MAGI2: variants seen among roughly 807,000 people sequenced by gnomAD.
The protein encoded by MAGI2 is membrane associated guanylate kinase, WW and PDZ domain containing 2, also known as membrane-associated guanylate kinase, WW and PDZ domain-containing protein 2.
A neutral mutation model predicts 133.3 loss-of-function variants in MAGI2; 35 were observed. The ratio of observed to expected loss-of-function variants is 0.26; its 90% confidence interval spans 0.20 to 0.35. The LOEUF is 0.35. MAGI2 is among the 10% of genes least tolerant of loss of function. The probability of loss-of-function intolerance (pLI) is 1.00; values close to 1 mark genes in which losing one functional copy is unlikely to be tolerated. For missense variants in MAGI2, 1,636 were observed against 1,863.4 expected, an observed-to-expected ratio of 0.88 and a Z score of 2.25; for synonymous variants, 729 against 710.6, an observed-to-expected ratio of 1.03 and a Z score of -0.41.
intron 1 of MAGI2, among the ~76,000 whole-genome samples, chr7:79,096,194 T>G (rs1817495855): frequency 2.0e-5 from 3 of 152,102 alleles, no homozygotes; most frequent in Admixed American, 2.0e-4. Flanking sequence ...TAGCTTCAAT[T>G]AAATTAGACC....
At chr7:78,654,352 G>C (rs1323033198) in intron 2 of MAGI2, among the ~76,000 whole-genome samples, 1 of 152,014 alleles carries the variant, frequency 6.6e-6, no homozygotes, top group Non-Finnish European at 1.5e-5. Context: ...GGCACACAGT[G>C]AATATTATTT....
At chr7:78,522,151 G>C (rs563442631) in intron 3 of MAGI2, among the ~76,000 whole-genome samples, 1 of 152,062 alleles carries the variant, frequency 6.6e-6, no homozygotes, top group African/African-American at 2.4e-5. Flanking sequence ...CTGTATCCCC[G>C]TGCCAGTCTA....
At chr7:78,663,764 T>C (rs1813239591) in intron 2 of MAGI2, among the ~76,000 whole-genome samples, 1 of 152,196 alleles carries the variant, frequency 6.6e-6, no homozygotes, top group South Asian at 2.1e-4. Flanking sequence ...AGAAATAGCC[T>C]TAATGCATAA....
rs188602568 is a variant in MAGI2 at position 78,219,516 on chromosome 7, C to G, written c.2048-18323G>C. Among the ~76,000 whole-genome samples, 65 of 152,240 alleles carry G rather than the reference C, an allele frequency of 4.3e-4. 1 individual carries two copies. Among genetic ancestry groups the G allele is most frequent in the Non-Finnish European group, 7.2e-4 (49 of 68,018 alleles). On this transcript the variant is annotated intron_variant, in intron 10 of 21. Coordinates refer to ENST00000354212, the MANE Select transcript of MAGI2 (RefSeq NM_012301.4). ...AGTTCATTTTATCCTCAGGGCCTCT[C>G]GTACTACTGAAAACATCTAATCTCC...
At chr7:78,259,974 G>A (rs941392871) in intron 9 of MAGI2, among the ~76,000 whole-genome samples, 1 of 152,142 alleles carries the variant, frequency 6.6e-6, no homozygotes, top group African/African-American at 2.4e-5. Flanking sequence ...TCCACTAACA[G>A]CAATTTTTCA....
At chr7:78,636,119 AATT>A (rs1809613927) in intron 2 of MAGI2, among the ~76,000 whole-genome samples, 4 of 152,202 alleles carry the variant, frequency 2.6e-5, no homozygotes, top group Admixed American at 1.3e-4. Context: ...TAAGTATAAA[AATT>A]ATTAATAGCC....
chr7:79,318,088 C>G (rs1055144123), intron 1 of MAGI2, among the ~76,000 whole-genome samples: 3 of 152,110 alleles, frequency 2.0e-5, no homozygotes, highest in Admixed American at 6.6e-5. Context: ...CCCACAGCCA[C>G]CTTCTTTTTG....
chr7:78,757,832 C>T (rs1286740768), intron 2 of MAGI2, among the ~76,000 whole-genome samples: 3 of 152,120 alleles, frequency 2.0e-5, no homozygotes, highest in Non-Finnish European at 4.4e-5. Flanking sequence ...TTAGATGATG[C>T]CATTCATCTC....
chr7:78,379,653 G>T (rs568269980), intron 6 of MAGI2, among the ~76,000 whole-genome samples: 2 of 152,056 alleles, frequency 1.3e-5, no homozygotes, highest in East Asian at 3.9e-4. Context: ...AGATATGAAA[G>T]AACTAAATAT....
Position 79,007,110 on chromosome 7 carries a change from AG to A in MAGI2, c.397del (p.Leu133SerfsTer41), listed in dbSNP as rs1459424778. ...CTCACATGGCACCGTGCGGAGGTAGAGGTTGTCACGAATGATTTGCTGAAGC... is the reference window on the plus strand; with the variant it reads ...CTCACATGGCACCGTGCGGAGGTAGAGTTGTCACGAATGATTTGCTGAAGC... ...HELQQIIRDN[L>X]YLRTVPCTTR... On this transcript the variant is annotated frameshift_variant, in exon 2 of 22. Transcript: ENST00000354212. LOFTEE classifies it high-confidence loss of function. 6.2e-7 allele frequency: 1 copy of A among 1,612,466 alleles called. No individual in the cohort carries two copies. The highest frequency in any genetic ancestry group is 1.3e-5 in the African/African-American group (1 of 74,842).
chr7:78,662,547 A>C (rs1370586491), intron 2 of MAGI2, among the ~76,000 whole-genome samples: 1 of 152,182 alleles, frequency 6.6e-6, no homozygotes, highest in Non-Finnish European at 1.5e-5. Context: ...TTTGCTTTGC[A>C]GAAAAGTGTG....
chr7:79,043,539 T>C (rs1243339621), intron 1 of MAGI2, among the ~76,000 whole-genome samples: 2 of 42,508 alleles, frequency 4.7e-5, no homozygotes, highest in Non-Finnish European at 7.3e-5. Flanking sequence ...TGAGACTCCA[T>C]CACAAAAAAA....
rs548371423 is a variant in MAGI2 at position 79,429,727 on chromosome 7, GA to G, written c.301+23292del. Among the ~76,000 whole-genome samples the G allele has an allele frequency of 7.9e-5, 12 of 152,134 alleles. No homozygotes were observed. In the East Asian group the frequency reaches 2.3e-3, roughly 29 times the overall value. On this transcript the variant is annotated intron_variant, in intron 1 of 21. Transcript: ENST00000354212. ...GAAGCAAAAAAGGTAAAAATAATTG[GA>G]AAAAGTCTTTTGCATAAGGTTATTC... is the stretch of plus-strand genomic sequence containing the variant.
intron 3 of MAGI2, among the ~76,000 whole-genome samples, chr7:78,572,513 G>T (rs1801606803): frequency 6.6e-6 from 1 of 152,000 alleles, no homozygotes; most frequent in Non-Finnish European, 1.5e-5. Flanking sequence ...TGACTCTGTT[G>T]AAAGTAGTAT....
intron 7 of MAGI2, among the ~76,000 whole-genome samples, chr7:78,357,807 C>A (rs1401461698): frequency 2.0e-5 from 3 of 151,708 alleles, no homozygotes; most frequent in African/African-American, 7.3e-5. Context: ...AATGGAATTT[C>A]TTTTCTTTAC....
At chr7:78,165,694 C>T (rs1244926145) in intron 15 of MAGI2, among the ~76,000 whole-genome samples, 1 of 152,158 alleles carries the variant, frequency 6.6e-6, no homozygotes, top group African/African-American at 2.4e-5. Context: ...CAGCTTGGAA[C>T]CATCCACTCC....
chr7:78,248,804 G>T (rs534235177), intron 10 of MAGI2, among the ~76,000 whole-genome samples: 7 of 152,128 alleles, frequency 4.6e-5, no homozygotes, highest in African/African-American at 1.7e-4. Flanking sequence ...CATGATATTG[G>T]CTTGGACAAT....
chr7:78,310,681 T>C (rs2151094331), intron 9 of MAGI2, among the ~76,000 whole-genome samples: 1 of 152,124 alleles, frequency 6.6e-6, no homozygotes, highest in South Asian at 2.1e-4. Context: ...AAAGTTACCA[T>C]GAAGAGAGGA....
chr7:78,525,904 ACT>A (rs1322359618), intron 3 of MAGI2, among the ~76,000 whole-genome samples: 2 of 152,122 alleles, frequency 1.3e-5, no homozygotes, highest in African/African-American at 4.8e-5. Flanking sequence ...GAGTAGAGTA[ACT>A]CTTTCCCCAC....
Sources: allele counts gnomAD v4.1 joint callset (sites outside exome capture counted in the v4.1 genomes callset), GRCh38; gene constraint gnomAD v4.1.1; transcripts MANE v1.5; gene names NCBI Gene and HGNC (gene_info 2026-07-23, HGNC 2026-07-21).